Variants in DMD observed in about 807,000 individuals in gnomAD.
DMD encodes mutant dystrophin.
Under a neutral mutation model 330.1 loss-of-function variants are expected in DMD, and 63 were observed. The ratio of observed to expected loss-of-function variants is 0.19; its 90% CI spans 0.16 to 0.24. DMD has a LOEUF of 0.24. DMD is among the 10% of genes least tolerant of loss of function. DMD has a pLI of 1.00. For missense variants in DMD, 3,344 were observed against 2,684.1 expected (o/e 1.25, Z -5.43); for synonymous variants, 1,223 against 959.8 (o/e 1.27, Z -5.07).
intron 1 of DMD, among the ~76,000 whole-genome samples, chrX:33,229,188 A>G (rs1006518810): frequency 2.4e-4 from 27 of 111,168 alleles, no homozygotes; most frequent in African/African-American, 8.5e-4. Flanking sequence ...GATCCTTTTC[A>G]GATCAAAAGT....
At chrX:32,731,613 C>T (rs975026392) in intron 7 of DMD, among the ~76,000 whole-genome samples, 3 of 112,177 alleles carry the variant, frequency 2.7e-5, no homozygotes, top group African/African-American at 6.5e-5. Flanking sequence ...CCCTGACCCC[C>T]GAGCACCCTA....
At chrX:32,017,013 C>G (rs1224750956) in intron 44 of DMD, among the ~76,000 whole-genome samples, 1 of 112,086 alleles carries the variant, frequency 8.9e-6, no homozygotes, top group African/African-American at 3.2e-5. Flanking sequence ...GCTTTTTATG[C>G]TCCCATAAAA....
intron 27 of DMD, among the ~76,000 whole-genome samples, chrX:32,447,386 T>A (rs777281108): frequency 9.0e-6 from 1 of 110,644 alleles, no homozygotes; most frequent in African/African-American, 3.3e-5. Context: ...GTGAATTGCA[T>A]TTAAAAGAAA....
At chrX:32,486,725 A>T (rs1456999484) in intron 20 of DMD, among the ~76,000 whole-genome samples, 1 of 106,291 alleles carries the variant, frequency 9.4e-6, no homozygotes, top group Non-Finnish European at 1.9e-5. Context: ...ATCTTTGACA[A>T]ACCTGACAAA....
At chrX:31,342,061 A>T (rs1306263758) in intron 61 of DMD, among the ~76,000 whole-genome samples, 2 of 111,082 alleles carry the variant, frequency 1.8e-5, no homozygotes, top group African/African-American at 6.6e-5. Flanking sequence ...GTAAGTCATT[A>T]AACTGATTTT....
At chrX:31,482,390 T>C (rs1263154334) in intron 57 of DMD, among the ~76,000 whole-genome samples, 1 of 111,300 alleles carries the variant, frequency 9.0e-6, no homozygotes, top group African/African-American at 3.3e-5. Context: ...CTAATATACG[T>C]TGAGTGCCTA....
chrX:32,697,998 T>A lies in DMD; in HGVS notation c.832A>T (p.Ile278Phe). 1 of 1,190,586 alleles carries A rather than the reference T, an allele frequency of 8.4e-7. No homozygotes were observed. Among genetic ancestry groups the A allele is most frequent in the Non-Finnish European group, 1.1e-6 (1 of 884,887 alleles). The change falls in exon 9 of 79, where the codon ATC (isoleucine) becomes TTC (phenylalanine). Residue 278 changes from isoleucine (I) to phenylalanine (F), a missense_variant and splice_region_variant. Ile to Phe is a conservative substitution (Grantham distance 21, BLOSUM62 0). Coordinates refer to ENST00000357033, the MANE Select transcript of DMD (RefSeq NM_004006.3). ...LHHQMHYSQQ[I>F]TVSLAQGYER... ...TATCCCTGTGCTAGACTGACCGTGATCTGCAGAGAAGGGTTTGGGGGAGTG... is the reference window on the plus strand; with the variant it reads ...TATCCCTGTGCTAGACTGACCGTGAACTGCAGAGAAGGGTTTGGGGGAGTG...
intron 16 of DMD, among the ~76,000 whole-genome samples, chrX:32,560,888 T>C (rs2050924308): frequency 1.8e-5 from 2 of 112,083 alleles, no homozygotes; most frequent in African/African-American, 6.5e-5. Flanking sequence ...TGAATAGTGC[T>C]GCAATTAACA....
chrX:31,512,983 C>T (rs1335985766), intron 55 of DMD, among the ~76,000 whole-genome samples: 1 of 106,400 alleles, frequency 9.4e-6, no homozygotes, highest in East Asian at 3.0e-4. Context: ...AATGTTCTTC[C>T]ATTTGTTTGT....
intron 74 of DMD, among the ~76,000 whole-genome samples, chrX:31,164,104 A>T (rs1763029339): frequency 8.9e-6 from 1 of 111,897 alleles, no homozygotes; most frequent in South Asian, 3.7e-4. Context: ...ACTAAAAATA[A>T]AAGTAATTAA....
At chrX:32,590,929 C>A (rs746767068) in intron 13 of DMD, among the ~76,000 whole-genome samples, 1 of 111,532 alleles carries the variant, frequency 9.0e-6, no homozygotes, top group East Asian at 2.8e-4. Flanking sequence ...ATATATACAT[C>A]TATCTATCCA....
intron 11 of DMD, among the ~76,000 whole-genome samples, chrX:32,627,673 T>G (rs760357454): frequency 9.0e-6 from 1 of 110,728 alleles, no homozygotes; most frequent in South Asian, 3.8e-4. Flanking sequence ...TAAAATTAAC[T>G]TTTTAGAGAT....
At chrX:32,845,775 G>A (rs1243457232) in intron 3 of DMD, among the ~76,000 whole-genome samples, 2 of 112,056 alleles carry the variant, frequency 1.8e-5, no homozygotes, top group East Asian at 5.6e-4. Context: ...GTGCTGTCTG[G>A]CCTACATAAA....
At chrX:31,373,593 G>A (rs1181252817) in intron 60 of DMD, among the ~76,000 whole-genome samples, 2 of 106,203 alleles carry the variant, frequency 1.9e-5, no homozygotes, top group Non-Finnish European at 3.9e-5. Flanking sequence ...TTAATAAATG[G>A]TGCTGGGAAA....
At chrX:32,934,645 G>A (rs1338619238) in intron 2 of DMD, among the ~76,000 whole-genome samples, 1 of 111,566 alleles carries the variant, frequency 9.0e-6, no homozygotes, top group African/African-American at 3.3e-5. Flanking sequence ...AAGAATATAT[G>A]TAATGGATAT....
intron 16 of DMD, among the ~76,000 whole-genome samples, chrX:32,548,722 A>G (rs1024555265): frequency 6.3e-5 from 7 of 111,729 alleles, no homozygotes; most frequent in Non-Finnish European, 1.3e-4. Flanking sequence ...AAAATGTTGC[A>G]TTTGTAAGCA....
intron 42 of DMD, among the ~76,000 whole-genome samples, chrX:32,297,661 A>G (rs1243736145): frequency 8.9e-6 from 1 of 111,892 alleles, no homozygotes; most frequent in East Asian, 2.8e-4. Context: ...CTACAGGAGA[A>G]TAAAGTAAAC....
intron 17 of DMD, among the ~76,000 whole-genome samples, chrX:32,526,296 C>G: frequency 9.0e-6 from 1 of 111,576 alleles, no homozygotes; most frequent in Non-Finnish European, 1.9e-5. Context: ...ATCTTAAAAC[C>G]TCAATTTGTT....
rs1325010458 is a variant in DMD, at chrX:32,744,396, G to T, written c.650-45103C>A. Among the ~76,000 whole-genome samples, 3 of 110,186 alleles carry T rather than the reference G, an allele frequency of 2.7e-5. No individual in the cohort carries two copies. In the Admixed American group the frequency reaches 2.9e-4, roughly 11 times the overall value. On this transcript the variant is annotated intron_variant, in intron 7 of 78. Transcript: ENST00000357033. ...GGTCTTCCTAGCATTGTGTGATCTTGGTGTCTTCTTCTCATAAGGCATATT... is the reference window on the plus strand; with the variant it reads ...GGTCTTCCTAGCATTGTGTGATCTTTGTGTCTTCTTCTCATAAGGCATATT...
Sources: gnomAD v4.1 joint callset for allele counts (sites outside exome capture counted in the v4.1 genomes callset) on GRCh38, gnomAD v4.1.1 for gene constraint, MANE v1.5 for transcripts, NCBI Gene and HGNC (gene_info 2026-07-23, HGNC 2026-07-21) for gene names.